The following ST6GALNAC3 variants were observed in gnomAD, a reference collection of about 807,000 sequenced individuals.
The protein encoded by ST6GALNAC3 is ST6 N-acetylgalactosaminide alpha-2,6-sialyltransferase 3.
Under a neutral mutation model 32.7 loss-of-function variants are expected in ST6GALNAC3, and 25 were observed. That is an observed-to-expected ratio of 0.76 (90% CI 0.56 to 1.07). The LOEUF (loss-of-function observed/expected upper bound fraction) is 1.07. Ranked by LOEUF, ST6GALNAC3 falls within the 50% of genes least tolerant of loss-of-function variation. The pLI is 0.00. For missense variants in ST6GALNAC3, 355 were observed against 382.4 expected, an observed-to-expected ratio of 0.93 and a Z score of 0.60; for synonymous variants, 129 against 133.1, an observed-to-expected ratio of 0.97 and a Z score of 0.21.
intron 1 of ST6GALNAC3, among the ~76,000 whole-genome samples, chr1:76,187,362 T>G (rs761078120): frequency 1.3e-5 from 2 of 152,206 alleles, no homozygotes; most frequent in Non-Finnish European, 1.5e-5. Flanking sequence ...TATATATGTG[T>G]CTTTTACTCT....
chr1:76,556,797 A>G (rs1221482666), intron 3 of ST6GALNAC3, among the ~76,000 whole-genome samples: 1 of 152,112 alleles, frequency 6.6e-6, no homozygotes, highest in Admixed American at 6.6e-5. Context: ...TGATGTGCAA[A>G]TATTTTCTCT....
chr1:76,381,070 T>C (rs1651666924), intron 2 of ST6GALNAC3, among the ~76,000 whole-genome samples: 6 of 151,516 alleles, frequency 4.0e-5, no homozygotes, highest in Admixed American at 3.9e-4. Context: ...TAACTATCTA[T>C]TGTAGAGAAG....
At chr1:76,603,768 G>A (rs1393465116) in intron 3 of ST6GALNAC3, among the ~76,000 whole-genome samples, 1 of 152,188 alleles carries the variant, frequency 6.6e-6, no homozygotes, top group African/African-American at 2.4e-5. Flanking sequence ...GAACTCCTGA[G>A]CTCAGGCAGT....
intron 3 of ST6GALNAC3, among the ~76,000 whole-genome samples, chr1:76,416,034 AACACACACACACACACACAC>A (rs60710007): frequency 2.0e-4 from 29 of 144,424 alleles, no homozygotes; most frequent in African/African-American, 7.2e-4. Context: ...TTTATTCCAC[AACACACACACACACACACAC>A]ACACACACAC....
chr1:76,592,525 G>A (rs990760579), intron 3 of ST6GALNAC3, among the ~76,000 whole-genome samples: 27 of 152,172 alleles, frequency 1.8e-4, no homozygotes, highest in East Asian at 1.7e-3. Context: ...ACCACTGGGC[G>A]TCTTATACAG....
intron 3 of ST6GALNAC3, among the ~76,000 whole-genome samples, chr1:76,523,265 A>G (rs1398452191): frequency 1.3e-5 from 2 of 151,904 alleles, no homozygotes; most frequent in African/African-American, 4.8e-5. Flanking sequence ...TAATTTATCT[A>G]TTTTTCTTAT....
intron 2 of ST6GALNAC3, among the ~76,000 whole-genome samples, chr1:76,388,963 T>TTGGTGTGGTTGTTAGTTGGTA (rs1270599311): frequency 1.3e-5 from 2 of 151,516 alleles, no homozygotes; most frequent in Non-Finnish European, 2.9e-5. Flanking sequence ...CCTCCTAAGG[T>TTGGTGTGGTTGTTAGTTGGTA]TGGTGTGGTT....
Position 76,249,765 on chromosome 1 carries a change from A to G in ST6GALNAC3, c.19-64040A>G, listed in dbSNP as rs557754353. On this transcript the variant is annotated intron_variant, in intron 1 of 4. Transcript: ENST00000328299. ...ACAATTTCTCGACAGCCTTGTCAAC[A>G]CTTACTATTGTCCATCTTTTTTATT... 1.6e-4 allele frequency among the ~76,000 whole-genome samples: 25 copies of G among 152,344 alleles called. No individual in the cohort carries two copies. In the East Asian group the frequency reaches 4.8e-3, roughly 29 times the overall value.
At chr1:76,198,333 G>T (rs933850292) in intron 1 of ST6GALNAC3, among the ~76,000 whole-genome samples, 1 of 152,180 alleles carries the variant, frequency 6.6e-6, no homozygotes, top group Non-Finnish European at 1.5e-5. Flanking sequence ...ACCATACCTG[G>T]CTTTGTCTTT....
chr1:76,180,065 G>A (rs1189928246), intron 1 of ST6GALNAC3, among the ~76,000 whole-genome samples: 1 of 152,106 alleles, frequency 6.6e-6, no homozygotes, highest in Non-Finnish European at 1.5e-5. Context: ...TATTTATAAA[G>A]TGCTAACAAA....
At chr1:76,288,869 A>C (rs1659922771) in intron 1 of ST6GALNAC3, among the ~76,000 whole-genome samples, 1 of 152,176 alleles carries the variant, frequency 6.6e-6, no homozygotes, top group Non-Finnish European at 1.5e-5. Flanking sequence ...CCCATGCTCT[A>C]TTATAGCGAG....
chr1:76,576,912 C>T (rs753389110), intron 3 of ST6GALNAC3: 10 of 1,298,378 alleles, frequency 7.7e-6, no homozygotes, highest in Non-Finnish European at 3.0e-6. Context: ...TGCCCCACCA[C>T]AAAAGGAAGG....
At chr1:76,221,641 A>G (rs191888176) in intron 1 of ST6GALNAC3, among the ~76,000 whole-genome samples, 1 of 152,070 alleles carries the variant, frequency 6.6e-6, no homozygotes, top group Admixed American at 6.5e-5. Context: ...CTCTTACCCT[A>G]TTTTTGCTTA....
intron 1 of ST6GALNAC3, among the ~76,000 whole-genome samples, chr1:76,224,650 G>T (rs1031027360): frequency 3.9e-5 from 6 of 152,156 alleles, no homozygotes; most frequent in Admixed American, 3.9e-4. Flanking sequence ...AAGATTTCTG[G>T]TGCTGGAGAT....
chr1:76,545,997 A>G (rs1204811790), intron 3 of ST6GALNAC3, among the ~76,000 whole-genome samples: 1 of 152,170 alleles, frequency 6.6e-6, no homozygotes, highest in Non-Finnish European at 1.5e-5. Flanking sequence ...GAGGTTGAAC[A>G]ATGAGCATCC....
chr1:76,404,479 G>A (rs1428978909), intron 2 of ST6GALNAC3, among the ~76,000 whole-genome samples: 2 of 151,912 alleles, frequency 1.3e-5, no homozygotes, highest in Non-Finnish European at 2.9e-5. Context: ...TTTTTATCAA[G>A]CAATAAAAAC....
At chr1:76,452,511 C>T (rs1242661907) in intron 3 of ST6GALNAC3, among the ~76,000 whole-genome samples, 6 of 152,068 alleles carry the variant, frequency 3.9e-5, no homozygotes, top group Admixed American at 3.9e-4. Flanking sequence ...TTGTGAAATG[C>T]TTTTTCTGCA....
At chr1:76,118,264 G>C (rs1174219488) in intron 1 of ST6GALNAC3, among the ~76,000 whole-genome samples, 1 of 152,192 alleles carries the variant, frequency 6.6e-6, no homozygotes, top group East Asian at 1.9e-4. Flanking sequence ...CCAAGACACA[G>C]TAAGTTCTTA....
intron 3 of ST6GALNAC3, among the ~76,000 whole-genome samples, chr1:76,426,593 A>G (rs1376524901): frequency 6.6e-6 from 1 of 151,606 alleles, no homozygotes; most frequent in Admixed American, 6.6e-5. Flanking sequence ...GGAGAGAGAG[A>G]AAGAGAGAGA....
Sources: gnomAD v4.1 joint callset for allele counts (sites outside exome capture counted in the v4.1 genomes callset) on GRCh38, gnomAD v4.1.1 for gene constraint, MANE v1.5 for transcripts, NCBI Gene and HGNC (gene_info 2026-07-23, HGNC 2026-07-21) for gene names.